TFDP1: variants seen among roughly 807,000 people sequenced by gnomAD.
TFDP1 encodes DRTF1-polypeptide 1.
TFDP1 carries 6 observed loss-of-function variants against 48.0 expected under a neutral mutation model. That is an observed-to-expected ratio of 0.13 (90% confidence interval 0.07 to 0.25). TFDP1 has a LOEUF of 0.25. TFDP1 is among the 10% of genes least tolerant of loss of function. The pLI is 1.00. For synonymous variants in TFDP1, 201 were observed against 211.6 expected (o/e 0.95, Z 0.44); for missense variants, 335 against 543.0 (o/e 0.62, Z 3.81).
At chr13:113,631,926 G>C (rs1323589144) in intron 5 of TFDP1, 182 bp downstream of exon 5, 1 of 808,858 alleles carries the variant, frequency 1.2e-6, no homozygotes, top group East Asian at 2.9e-5. Flanking sequence ...GAGGCGCACT[G>C]CCTCGGTCAT....
At chr13:113,632,517 G>A (rs1262494171) in intron 5 of TFDP1, among the ~76,000 whole-genome samples, 2 of 152,208 alleles carry the variant, frequency 1.3e-5, no homozygotes, top group Non-Finnish European at 1.5e-5. Context: ...GTGGTGCTTG[G>A]GGCTCACGCC....
At chr13:113,585,734 A>G (rs2047986729) in intron 1 of TFDP1, 40 bp from the exon 2 acceptor site, 3 of 1,216,924 alleles carry the variant, frequency 2.5e-6, no homozygotes, top group South Asian at 2.8e-5. Context: ...ATTCTTACTT[A>G]TTTCTTGTTT....
At chr13:113,614,340 G>A (rs941965447) in intron 3 of TFDP1, among the ~76,000 whole-genome samples, 1 of 152,154 alleles carries the variant, frequency 6.6e-6, no homozygotes, top group African/African-American at 2.4e-5. Context: ...GGCCCCCCTT[G>A]CCTCTAGTTG....
intron 4 of TFDP1, 107 bp from the exon 5 acceptor site, chr13:113,631,516 G>A: frequency 2.8e-6 from 4 of 1,435,478 alleles, no homozygotes; most frequent in Non-Finnish European, 2.8e-6. Flanking sequence ...TGCTCACTGT[G>A]GTTAAGGAAA....
chr13:113,636,434 T>A, intron 9 of TFDP1, 100 bp from the exon 10 acceptor site: 1 of 1,330,752 alleles, frequency 7.5e-7, no homozygotes, highest in Non-Finnish European at 1.0e-6. Context: ...ACCGGGAAGC[T>A]GTGTGTGGCG....
rs1386410545 is a variant in TFDP1 at position 113,623,926 on chromosome 13, A to C, written c.186+640A>C. 6.6e-6 allele frequency among the ~76,000 whole-genome samples: 1 copy of C among 152,184 alleles called. No homozygotes were observed. Among genetic ancestry groups the C allele is most frequent in the South Asian group, 2.1e-4 (1 of 4,828 alleles). On this transcript the variant is annotated intron_variant, in intron 4 of 11. Transcript: ENST00000375370. The surrounding 1 kb of genome is among the most constrained non-coding windows in gnomAD (Gnocchi z 5.2). Reference sequence around the variant, plus strand: ...GCAGCCTACTGGAGACAGGGAGCCCACACAGAATCCTGACCTCACCAGAAA... The same window carrying C: ...GCAGCCTACTGGAGACAGGGAGCCCCCACAGAATCCTGACCTCACCAGAAA...
At chr13:113,594,676 G>T (rs757133198) in intron 2 of TFDP1, among the ~76,000 whole-genome samples, 5 of 152,254 alleles carry the variant, frequency 3.3e-5, no homozygotes, top group Non-Finnish European at 7.3e-5. Flanking sequence ...CGTTCCCAGT[G>T]GACATGGAAT....
intron 3 of TFDP1, among the ~76,000 whole-genome samples, chr13:113,611,834 C>A (rs2048715709): frequency 6.6e-6 from 1 of 152,138 alleles, no homozygotes; most frequent in Admixed American, 6.5e-5. Flanking sequence ...TCCTGGGAGA[C>A]AAGCTTGTGG....
chr13:113,620,308 T>C (rs999938616), intron 3 of TFDP1, among the ~76,000 whole-genome samples: 1 of 152,190 alleles, frequency 6.6e-6, no homozygotes, highest in African/African-American at 2.4e-5. Flanking sequence ...GATGCCTGAG[T>C]GTATGCTACC....
Position 113,637,903 on chromosome 13 carries a change from G to T in TFDP1, c.1085+7G>T, listed in dbSNP as rs2049535697. Reference sequence around the variant, plus strand: ...GCACAAGGTTCTCTGCCAGGTGACAGTCGTTGAGGGTGTGGGAGAGGCGTC... The same window carrying T: ...GCACAAGGTTCTCTGCCAGGTGACATTCGTTGAGGGTGTGGGAGAGGCGTC... On this transcript the variant is annotated splice_region_variant and intron_variant, in intron 11 of 11. Transcript: ENST00000375370. 6.2e-7 allele frequency: 1 copy of T among 1,612,542 alleles called. No homozygotes were observed. Among genetic ancestry groups the T allele is most frequent in the Non-Finnish European group, 8.5e-7 (1 of 1,179,642 alleles).
chr13:113,617,412 A>T lies in TFDP1; in HGVS notation c.80-5768A>T, dbSNP rs12872069. Among the ~76,000 whole-genome samples the T allele has an allele frequency of 4.2e-3, 629 of 151,456 alleles. 14 individuals carry two copies. Among genetic ancestry groups the T allele is most frequent in the African/African-American group, 0.015 (593 of 40,798 alleles). ...CAAATGCTGCTTGCGAGCCAGTCACAGAGGCACTCACATGCAGAGCCGCTC... is the reference window on the plus strand; with the variant it reads ...CAAATGCTGCTTGCGAGCCAGTCACTGAGGCACTCACATGCAGAGCCGCTC... On this transcript the variant is annotated intron_variant, in intron 3 of 11. Transcript: ENST00000375370.
chr13:113,595,474 C>T (rs928736537), intron 2 of TFDP1, among the ~76,000 whole-genome samples: 1 of 152,088 alleles, frequency 6.6e-6, no homozygotes, highest in Non-Finnish European at 1.5e-5. Flanking sequence ...TGGATCTGTC[C>T]GAGAGAGTCC....
chr13:113,622,500 T>C (rs972136716), intron 3 of TFDP1, among the ~76,000 whole-genome samples: 6 of 152,254 alleles, frequency 3.9e-5, no homozygotes, highest in African/African-American at 1.4e-4. Flanking sequence ...TTTCTTTGTT[T>C]AGTTCTCTCT....
intron 2 of TFDP1, among the ~76,000 whole-genome samples, chr13:113,603,225 C>CTCA (rs897488596): frequency 8.5e-5 from 13 of 152,232 alleles, no homozygotes. Context: ...TGCTGACCCC[C>CTCA]TCATGGGCCT....
chr13:113,624,552 C>T (rs1313898718), intron 4 of TFDP1, among the ~76,000 whole-genome samples: 1 of 145,552 alleles, frequency 6.9e-6, no homozygotes, highest in African/African-American at 2.6e-5. Flanking sequence ...GTATCTCTCA[C>T]GTGTCCTCAG....
intron 2 of TFDP1, among the ~76,000 whole-genome samples, chr13:113,586,654 AC>A (rs1198254457): frequency 3.3e-5 from 5 of 152,190 alleles, no homozygotes; most frequent in African/African-American, 1.2e-4. Flanking sequence ...TGCCTGAGAT[AC>A]ATCTGTAGCG....
intron 9 of TFDP1, 128 bp downstream of exon 9, chr13:113,636,256 C>A: frequency 1.5e-6 from 2 of 1,321,756 alleles, no homozygotes; most frequent in Non-Finnish European, 2.1e-6. Context: ...AAATTGCTGT[C>A]CATTGGGGGG....
chr13:113,611,422 T>C (rs2048705801), intron 3 of TFDP1, among the ~76,000 whole-genome samples: 1 of 152,268 alleles, frequency 6.6e-6, no homozygotes, highest in African/African-American at 2.4e-5. Context: ...TCACCTGTGC[T>C]GTTTGAGGAA....
intron 1 of TFDP1, 192 bp from the exon 2 acceptor site, chr13:113,585,582 G>A (rs1399057924): frequency 2.5e-6 from 1 of 401,152 alleles, no homozygotes; most frequent in African/African-American, 2.0e-5. Flanking sequence ...TTCCGCAGGG[G>A]GCATTTCCGT....
Sources: allele counts gnomAD v4.1 joint callset (sites outside exome capture counted in the v4.1 genomes callset), GRCh38; gene constraint gnomAD v4.1.1; non-coding constraint Gnocchi (gnomAD v3.1); transcripts MANE v1.5; gene names NCBI Gene and HGNC (gene_info 2026-07-23, HGNC 2026-07-21).